BBS9: variants seen among roughly 807,000 people sequenced by gnomAD.
BBS9 encodes Bardet-Biedl syndrome 9.
BBS9 carries 89 observed loss-of-function variants against 117.7 expected under a neutral mutation model. The ratio of observed to expected loss-of-function variants is 0.76; its 90% CI spans 0.64 to 0.90. The LOEUF (loss-of-function observed/expected upper bound fraction) is 0.90. Among genes scored for constraint, BBS9 ranks in the 40% least tolerant of loss-of-function variants. BBS9 has a pLI of 0.00. For synonymous variants in BBS9, 379 were observed against 370.9 expected (o/e 1.02, Z -0.25); for missense variants, 982 against 1,042.2 (o/e 0.94, Z 0.80).
chr7:33,411,031 T>G (rs1179944240), intron 19 of BBS9, among the ~76,000 whole-genome samples: 1 of 121,348 alleles, frequency 8.2e-6, no homozygotes, highest in Non-Finnish European at 1.7e-5. Context: ...TTTTTTTTTT[T>G]GCTTTATATA....
At chr7:33,550,645 AT>A (rs1585221376) in intron 21 of BBS9, among the ~76,000 whole-genome samples, 2 of 152,240 alleles carry the variant, frequency 1.3e-5, no homozygotes, top group African/African-American at 4.8e-5. Context: ...AAAAAAAAAA[AT>A]CTTTTCATAC....
At chr7:33,229,588 A>G (rs1791936717) in intron 5 of BBS9, among the ~76,000 whole-genome samples, 1 of 152,154 alleles carries the variant, frequency 6.6e-6, no homozygotes, top group Non-Finnish European at 1.5e-5. Context: ...TTAGATAACA[A>G]ATATTTATAG....
At chr7:33,239,387 C>T (rs149427807) in intron 5 of BBS9, among the ~76,000 whole-genome samples, 1 of 151,948 alleles carries the variant, frequency 6.6e-6, no homozygotes, top group Non-Finnish European at 1.5e-5. Flanking sequence ...CATGAACACA[C>T]AGCCTATGAG....
chr7:33,366,431 T>G (rs1464051023), intron 16 of BBS9, among the ~76,000 whole-genome samples: 1 of 152,034 alleles, frequency 6.6e-6, no homozygotes, highest in African/African-American at 2.4e-5. Flanking sequence ...TCTTTCTCTC[T>G]CTCTAATTTT....
intron 5 of BBS9, among the ~76,000 whole-genome samples, chr7:33,191,581 A>C (rs1166032309): frequency 6.6e-6 from 1 of 152,200 alleles, no homozygotes; most frequent in African/African-American, 2.4e-5. Context: ...TATGAATTGG[A>C]GAAGGCAGGG....
At chr7:33,614,752 A>G (rs2129217272) in intron 21 of BBS9, among the ~76,000 whole-genome samples, 1 of 152,202 alleles carries the variant, frequency 6.6e-6, no homozygotes, top group East Asian at 1.9e-4. Flanking sequence ...CACTTTCATG[A>G]GTTTTCCTTT....
chr7:33,191,416 AAG>A (rs1444308023), intron 5 of BBS9, among the ~76,000 whole-genome samples: 3 of 152,178 alleles, frequency 2.0e-5, no homozygotes, highest in African/African-American at 7.2e-5. Context: ...GCATTAATGA[AAG>A]AGAGTGAAAT....
chr7:33,595,955 A>G (rs774429683), intron 21 of BBS9, among the ~76,000 whole-genome samples: 3 of 152,002 alleles, frequency 2.0e-5, no homozygotes, highest in Non-Finnish European at 4.4e-5. Context: ...CTCACTTATA[A>G]GTGGGAGTGG....
intron 21 of BBS9, among the ~76,000 whole-genome samples, chr7:33,582,400 G>C (rs540248043): frequency 6.6e-6 from 1 of 152,014 alleles, no homozygotes; most frequent in African/African-American, 2.4e-5. Flanking sequence ...CTAAGTGAAG[G>C]CCAGGACAGG....
At chr7:33,454,594 A>G (rs1838361416) in intron 19 of BBS9, among the ~76,000 whole-genome samples, 1 of 152,228 alleles carries the variant, frequency 6.6e-6, no homozygotes, top group South Asian at 2.1e-4. Context: ...TGCCAAGAGG[A>G]TGGGATTATC....
At chr7:33,578,820 C>G (rs926234675) in intron 21 of BBS9, among the ~76,000 whole-genome samples, 1 of 152,152 alleles carries the variant, frequency 6.6e-6, no homozygotes, top group Non-Finnish European at 1.5e-5. Flanking sequence ...TCCTGTATCT[C>G]TAGGACAAAG....
intron 20 of BBS9, among the ~76,000 whole-genome samples, chr7:33,524,918 G>A (rs1024427930): frequency 6.6e-6 from 1 of 152,316 alleles, no homozygotes; most frequent in East Asian, 1.9e-4. Context: ...GCACTGCTTT[G>A]AATGCATCCC....
At chr7:33,316,991 A>ATAAGTTTAGC (rs1166774540) in intron 9 of BBS9, among the ~76,000 whole-genome samples, 1 of 152,200 alleles carries the variant, frequency 6.6e-6, no homozygotes, top group Non-Finnish European at 1.5e-5. Context: ...AGAGAGCTTT[A>ATAAGTTTAGC]TAAGTTTAGC....
chr7:33,390,577 T>C, intron 19 of BBS9: 1 of 963,320 alleles, frequency 1.0e-6, no homozygotes, highest in Non-Finnish European at 1.2e-6. Context: ...TATGTATATA[T>C]TTGTAATAAA....
At chr7:33,526,019 G>A (rs1290304496) in intron 20 of BBS9, among the ~76,000 whole-genome samples, 1 of 151,586 alleles carries the variant, frequency 6.6e-6, no homozygotes, top group African/African-American at 2.4e-5. Context: ...GCTTAGTGTG[G>A]CTGGATATGA....
At chr7:33,597,323 T>G (rs927995919) in intron 21 of BBS9, among the ~76,000 whole-genome samples, 1 of 152,144 alleles carries the variant, frequency 6.6e-6, no homozygotes, top group African/African-American at 2.4e-5. Flanking sequence ...TTTTTGAGGT[T>G]TCTGCTGTTT....
chr7:33,620,792 G>A (rs1865367860), intron 21 of BBS9, among the ~76,000 whole-genome samples: 1 of 152,088 alleles, frequency 6.6e-6, no homozygotes, highest in African/African-American at 2.4e-5. Flanking sequence ...GCAGTCCTGA[G>A]CAAAAAGATC....
intron 5 of BBS9, among the ~76,000 whole-genome samples, chr7:33,185,876 G>A (rs1458145150): frequency 3.3e-5 from 5 of 152,100 alleles, no homozygotes; most frequent in African/African-American, 9.7e-5. Flanking sequence ...TTGTGTGTGC[G>A]TCAAAATGAA....
In BBS9 at chr7:33,268,918, A is replaced by G. The variant is rs79839635; in HGVS notation, c.703-4094A>G. On this transcript the variant is annotated intron_variant, in intron 7 of 22. Coordinates refer to ENST00000242067, the MANE Select transcript of BBS9 (RefSeq NM_198428.3). ...AGCCTGTTACAATATAATGAGAAAT[A>G]TAACTGTCATGGGACTGATATTCAT... Among the ~76,000 whole-genome samples the G allele has an allele frequency of 0.018, 2,754 of 152,332 alleles. 218 individuals carry two copies. In the East Asian group the frequency reaches 0.27, roughly 15 times the overall value.
Sources: allele counts gnomAD v4.1 joint callset (sites outside exome capture counted in the v4.1 genomes callset), GRCh38; gene constraint gnomAD v4.1.1; transcripts MANE v1.5; gene names NCBI Gene and HGNC (gene_info 2026-07-23, HGNC 2026-07-21).